The following KCNIP4 variants were observed in gnomAD, a reference collection of about 807,000 sequenced individuals.
KCNIP4 encodes the protein potassium voltage-gated channel interacting protein 4, also known as Kv channel-interacting protein 4.
Under a neutral mutation model 34.0 loss-of-function variants are expected in KCNIP4, and 12 were observed. The observed-to-expected ratio is 0.35, with a 90% CI of 0.23 to 0.57. KCNIP4 has a LOEUF of 0.57. Among genes scored for constraint, KCNIP4 ranks in the 20% least tolerant of loss-of-function variants. The pLI is 0.83. For missense variants in KCNIP4, 238 were observed against 311.7 expected (o/e 0.76, Z 1.78); for synonymous variants, 124 against 102.2 (o/e 1.21, Z -1.29).
At chr4:20,774,294 A>C (rs1321094769) in intron 3 of KCNIP4, among the ~76,000 whole-genome samples, 1 of 151,946 alleles carries the variant, frequency 6.6e-6, no homozygotes, top group Admixed American at 6.5e-5. Flanking sequence ...ATTTCAGAGG[A>C]TTTTCAGAAT....
chr4:21,709,663 C>T (rs142823005), intron 1 of KCNIP4, among the ~76,000 whole-genome samples: 7 of 151,884 alleles, frequency 4.6e-5, no homozygotes, highest in African/African-American at 7.2e-5. Flanking sequence ...TAAAAAATAA[C>T]GGTAGTATTA....
intron 1 of KCNIP4, among the ~76,000 whole-genome samples, chr4:21,600,332 T>C (rs1292053174): frequency 6.6e-6 from 1 of 152,124 alleles, no homozygotes. Flanking sequence ...ATTATTAAGA[T>C]TTTAAATCTG....
intron 1 of KCNIP4, among the ~76,000 whole-genome samples, chr4:21,568,712 C>T (rs1012102702): frequency 3.9e-5 from 6 of 152,038 alleles, no homozygotes; most frequent in Non-Finnish European, 4.4e-5. Context: ...TGGCCTTTGG[C>T]CACAGACTGA....
At chr4:21,035,204 T>G (rs1431155617) in intron 1 of KCNIP4, among the ~76,000 whole-genome samples, 2 of 152,208 alleles carry the variant, frequency 1.3e-5, no homozygotes. Flanking sequence ...TTAAATACAC[T>G]GAAGAACAGT....
intron 1 of KCNIP4, among the ~76,000 whole-genome samples, chr4:21,041,201 C>A (rs1033227252): frequency 2.6e-5 from 4 of 151,088 alleles, no homozygotes; most frequent in Admixed American, 2.0e-4. Context: ...GGTAGAGATA[C>A]AGTTGGCTCT....
chr4:21,343,748 C>A (rs535953130), intron 1 of KCNIP4, among the ~76,000 whole-genome samples: 1 of 152,136 alleles, frequency 6.6e-6, no homozygotes, highest in African/African-American at 2.4e-5. Context: ...TTTAAAGGTC[C>A]CCTGTAGATT....
chr4:20,803,665 GAGAA>G (rs1163676812), intron 3 of KCNIP4, among the ~76,000 whole-genome samples: 1 of 137,342 alleles, frequency 7.3e-6, no homozygotes, highest in Non-Finnish European at 1.5e-5. Context: ...CTCAATGAAA[GAGAA>G]AGAAAGAGAG....
chr4:21,088,865 C>T (rs1746714187), intron 1 of KCNIP4, among the ~76,000 whole-genome samples: 2 of 144,014 alleles, frequency 1.4e-5, no homozygotes, highest in Non-Finnish European at 3.0e-5. Flanking sequence ...TTCCCAGCCA[C>T]ACTAGAAACT....
Position 21,301,244 on chromosome 4 carries a change from A to G in KCNIP4, c.62-418535T>C, listed in dbSNP as rs148354464. Among the ~76,000 whole-genome samples, 471 of 152,304 alleles carry G rather than the reference A, an allele frequency of 3.1e-3. 2 individuals carry two copies. The highest frequency in any genetic ancestry group is 0.011 in the African/African-American group (454 of 41,576). On this transcript the variant is annotated intron_variant, in intron 1 of 8. Transcript: ENST00000382152. ...ATATTACCAATTTATTTTGAAGTAC[A>G]TGTATTCTACACATAGATAAAAGCA... is the stretch of plus-strand genomic sequence containing the variant.
At chr4:20,731,324 T>G in intron 8 of KCNIP4, 1 of 897,084 alleles carries the variant, frequency 1.1e-6, no homozygotes, top group Non-Finnish European at 1.3e-6. Flanking sequence ...TCTTCCCGCC[T>G]CAGCCTCCCA....
intron 1 of KCNIP4, among the ~76,000 whole-genome samples, chr4:21,920,354 T>A (rs1513563): frequency 0.99 from 150,988 of 152,304 alleles, 74,854 homozygotes; most frequent in East Asian, 1. Flanking sequence ...TTTCCTAAAC[T>A]ATATAGAATT....
At chr4:20,947,463 C>T (rs1732306497) in intron 1 of KCNIP4, among the ~76,000 whole-genome samples, 1 of 152,168 alleles carries the variant, frequency 6.6e-6, no homozygotes, top group Admixed American at 6.5e-5. Flanking sequence ...GCCACCACAC[C>T]TGGCTGATAT....
rs535780363 is a variant in KCNIP4, at chr4:20,938,461, A to G, written c.62-55752T>C. On this transcript the variant is annotated intron_variant, in intron 1 of 8. Transcript: ENST00000382152. ...CCATCACTGCTCTGTGTTGATGACTAGCATCCTTGATCAGCTGAAGCATCA... is the reference window on the plus strand; with the variant it reads ...CCATCACTGCTCTGTGTTGATGACTGGCATCCTTGATCAGCTGAAGCATCA... Among the ~76,000 whole-genome samples, 20 of 152,314 alleles carry G rather than the reference A, an allele frequency of 1.3e-4. No homozygotes were observed. In the East Asian group the frequency reaches 3.1e-3, roughly 24 times the overall value.
chr4:20,857,601 C>T (rs1721739954), intron 2 of KCNIP4, among the ~76,000 whole-genome samples: 1 of 151,980 alleles, frequency 6.6e-6, no homozygotes, highest in Admixed American at 6.6e-5. Context: ...ATATGGGTTT[C>T]CATATATATG....
chr4:21,593,178 T>C (rs1453367220), intron 1 of KCNIP4, among the ~76,000 whole-genome samples: 1 of 151,530 alleles, frequency 6.6e-6, no homozygotes, highest in African/African-American at 2.4e-5. Flanking sequence ...AAAGTCCTGC[T>C]ACTCCATAGA....
At chr4:21,697,685 A>G (rs927508842) in intron 1 of KCNIP4, 5 of 1,255,362 alleles carry the variant, frequency 4.0e-6, no homozygotes, top group Non-Finnish European at 5.0e-6. Context: ...GTGGTGACCA[A>G]GTTCTTCTGT....
intron 1 of KCNIP4, among the ~76,000 whole-genome samples, chr4:20,971,605 T>G (rs1468006575): frequency 6.6e-6 from 1 of 152,216 alleles, no homozygotes; most frequent in East Asian, 1.9e-4. Context: ...CTGTTAAAAA[T>G]TGATAACAAT....
intron 1 of KCNIP4, among the ~76,000 whole-genome samples, chr4:21,007,909 A>T (rs1738714040): frequency 1.3e-5 from 2 of 152,152 alleles, no homozygotes; most frequent in Non-Finnish European, 2.9e-5. Flanking sequence ...CCTCCAAGAC[A>T]CTGGGGGTTT....
intron 1 of KCNIP4, among the ~76,000 whole-genome samples, chr4:20,898,012 C>A (rs1392029690): frequency 6.6e-6 from 1 of 152,070 alleles, no homozygotes; most frequent in Non-Finnish European, 1.5e-5. Context: ...GCAAAGAAGA[C>A]CCACCCTCAC....
Sources: allele counts gnomAD v4.1 joint callset (sites outside exome capture counted in the v4.1 genomes callset), GRCh38; gene constraint gnomAD v4.1.1; transcripts MANE v1.5; gene names NCBI Gene and HGNC (gene_info 2026-07-23, HGNC 2026-07-21).